The following SPDYE4 variants were observed in gnomAD, a reference collection of about 807,000 sequenced individuals.
SPDYE4 encodes the protein speedy protein E4.
A neutral mutation model predicts 37.5 loss-of-function variants in SPDYE4; 30 were observed. That is an observed-to-expected ratio of 0.80 (90% CI 0.60 to 1.09). The LOEUF (loss-of-function observed/expected upper bound fraction) is 1.09, where lower values mean the gene tolerates loss of function less well. Ranked by LOEUF, SPDYE4 falls within the 50% of genes least tolerant of loss-of-function variation. SPDYE4 has a pLI of 0.00. For missense variants in SPDYE4, 300 were observed against 307.9 expected, an observed-to-expected ratio of 0.97 and a Z score of 0.19; for synonymous variants, 131 against 120.3, an observed-to-expected ratio of 1.09 and a Z score of -0.58.
chr17:8,747,813 A>G (rs1212436566), downstream of SPDYE4, among the ~76,000 whole-genome samples: 1 of 152,162 alleles, frequency 6.6e-6, no homozygotes, highest in Non-Finnish European at 1.5e-5. Context: ...CAAAATTCAT[A>G]TGTTGAAACC....
intron 4 of SPDYE4, among the ~76,000 whole-genome samples, chr17:8,753,810 C>T (rs764711832): frequency 6.6e-6 from 1 of 151,972 alleles, no homozygotes; most frequent in Non-Finnish European, 1.5e-5. Context: ...TGGCAAGACC[C>T]CCTCTGAATT....
intron 4 of SPDYE4, among the ~76,000 whole-genome samples, 152 bp from the exon 5 acceptor site, chr17:8,753,641 C>T (rs61319764): frequency 6.6e-6 from 1 of 152,010 alleles, no homozygotes; most frequent in South Asian, 2.1e-4. Context: ...GGAGGCCCCG[C>T]TGGACAGAGA....
At chr17:8,757,641 CTGA>C in intron 1 of SPDYE4, 149 bp from the exon 2 acceptor site, 4 of 767,152 alleles carry the variant, frequency 5.2e-6, no homozygotes, top group Non-Finnish European at 8.2e-6. Flanking sequence ...TTCTCCTTTG[CTGA>C]TCCCCATCTG....
At position 8,751,670 on chromosome 17, in the gene SPDYE4, G is replaced by A. The variant is rs569326568; in HGVS notation, c.*612C>T. 6.6e-6 allele frequency among the ~76,000 whole-genome samples: 1 copy of A among 152,276 alleles called. No individual in the cohort carries two copies. The highest frequency in any genetic ancestry group is 1.9e-4 in the East Asian group (1 of 5,190). On this transcript the variant is annotated 3_prime_UTR_variant, in exon 7 of 7. Coordinates refer to ENST00000689094, the MANE Select transcript of SPDYE4 (RefSeq NM_001394956.1). Reference sequence around the variant, plus strand: ...AAAATGAAAACTAAATTATATTTATGTGTATATAACAACCGTCAGAGAACT... The same window carrying A: ...AAAATGAAAACTAAATTATATTTATATGTATATAACAACCGTCAGAGAACT...
At position 8,758,453 on chromosome 17, in the gene SPDYE4, C is replaced by G. The variant is rs1304031757; in HGVS notation, c.-71G>C. ...GTTCTGTCCAAAGCCTTCTTCCAGA[C>G]TCCGTTAGGACCCAGAAGAGTGCGT... On this transcript the variant is annotated 5_prime_UTR_variant, in exon 1 of 7. Coordinates refer to ENST00000689094, the MANE Select transcript of SPDYE4 (RefSeq NM_001394956.1). 2 of 1,386,348 alleles carry G rather than the reference C, an allele frequency of 1.4e-6. No individual in the cohort carries two copies. Among genetic ancestry groups the G allele is most frequent in the East Asian group, 2.5e-5 (1 of 40,108 alleles). 85.9% of individuals were successfully genotyped at this position (1,386,348 alleles called of 1,614,324 possible).
At chr17:8,752,632 C>G (rs1027506424) in intron 6 of SPDYE4, among the ~76,000 whole-genome samples, 1 of 152,112 alleles carries the variant, frequency 6.6e-6, no homozygotes, top group Admixed American at 6.5e-5. Flanking sequence ...CCTCAGGAAC[C>G]AGCAGACCAG....
downstream of SPDYE4, among the ~76,000 whole-genome samples, chr17:8,749,514 C>T (rs891922130): frequency 7.9e-5 from 12 of 152,122 alleles, no homozygotes; most frequent in Non-Finnish European, 7.3e-5. Context: ...GATCTGCCCA[C>T]CTCGGCCTCC....
chr17:8,755,367 AGACT>A, intron 4 of SPDYE4, 149 bp downstream of exon 4: 1 of 965,664 alleles, frequency 1.0e-6, no homozygotes, highest in Non-Finnish European at 1.5e-6. Context: ...TAGAAAGAAC[AGACT>A]AAGAACACCA....
At position 8,757,511 on chromosome 17, in the gene SPDYE4, C is replaced by A. The variant is rs763246084; in HGVS notation, c.110-19G>T. 9 of 1,605,752 alleles carry A rather than the reference C, an allele frequency of 5.6e-6. No homozygotes were observed. The highest frequency in any genetic ancestry group is 1.7e-5 in the Admixed American group (1 of 58,882). Reference sequence around the variant, plus strand: ...CAAGGGGCTGAGTGAAGAAACCAGGCCATGGTGTCATGTTTCTGCCATTGA... The same window carrying A: ...CAAGGGGCTGAGTGAAGAAACCAGGACATGGTGTCATGTTTCTGCCATTGA... On this transcript the variant is annotated intron_variant, in intron 1 of 6. Coordinates refer to ENST00000689094, the MANE Select transcript of SPDYE4 (RefSeq NM_001394956.1).
rs982949681 is a variant in SPDYE4, at chr17:8,751,468, C to T, written c.*814G>A. On this transcript the variant is annotated 3_prime_UTR_variant, in exon 7 of 7. Transcript: ENST00000689094. ...TCACAATTCAGTAACAAACAGTAAA[C>T]AGAAAATAAACATTTCTATTTGCAA... is the stretch of plus-strand genomic sequence containing the variant. 8.5e-5 allele frequency among the ~76,000 whole-genome samples: 13 copies of T among 152,086 alleles called. No homozygotes were observed. The highest frequency in any genetic ancestry group is 5.9e-4 in the Admixed American group (9 of 15,270).
chr17:8,752,501 T>C (rs946908180), intron 6 of SPDYE4, among the ~76,000 whole-genome samples: 1 of 152,172 alleles, frequency 6.6e-6, no homozygotes, highest in Non-Finnish European at 1.5e-5. Flanking sequence ...TTTGGGTGGC[T>C]CCACCCAGGG....
At chr17:8,756,306 G>T in intron 3 of SPDYE4, 72 bp downstream of exon 3, 1 of 1,437,412 alleles carries the variant, frequency 7.0e-7, no homozygotes, top group Non-Finnish European at 9.7e-7. Flanking sequence ...AGAAACTGTG[G>T]GTTTAGACGC....
chr17:8,757,470 G>T lies in SPDYE4; in HGVS notation c.132C>A (p.Pro44=). 1 of 1,607,926 alleles carries T rather than the reference G, an allele frequency of 6.2e-7. No individual in the cohort carries two copies. The highest frequency in any genetic ancestry group is 1.1e-5 in the South Asian group (1 of 89,866). Residue 44 remains proline (P), a synonymous_variant, in exon 2 of 7, where the codon CCC becomes CCA. Transcript: ENST00000689094. ...GPSAPWIDPS[P]QPQSLGLKRK... ...TTTTCAGGCCAAGGGATTGAGGCTG[G>T]GGGCTGGGATCTATCCAAGGGGCTG...
chr17:8,756,099 G>C (rs568528182), intron 3 of SPDYE4, among the ~76,000 whole-genome samples: 1 of 152,262 alleles, frequency 6.6e-6, no homozygotes, highest in East Asian at 1.9e-4. Context: ...CACGCCTGGA[G>C]TCCCAGCTAT....
Position 8,757,472 on chromosome 17 carries a change from G to A in SPDYE4, c.130C>T (p.Pro44Ser), listed in dbSNP as rs772023283. 3.7e-6 allele frequency: 6 copies of A among 1,608,262 alleles called. No individual in the cohort carries two copies. The highest frequency in any genetic ancestry group is 4.2e-6 in the Non-Finnish European group (5 of 1,177,238). The change falls in exon 2 of 7, where the codon CCC (proline) becomes TCC (serine). Residue 44 changes from proline to serine, a missense_variant. By Grantham distance (74) the Pro-to-Ser change is moderately conservative. Coordinates refer to ENST00000689094, the MANE Select transcript of SPDYE4 (RefSeq NM_001394956.1). ...TTCAGGCCAAGGGATTGAGGCTGGG[G>A]GCTGGGATCTATCCAAGGGGCTGAG... ...GPSAPWIDPS[P>S]QPQSLGLKRK...
intron 2 of SPDYE4, among the ~76,000 whole-genome samples, chr17:8,757,013 T>C (rs2086778036): frequency 6.6e-6 from 1 of 152,148 alleles, no homozygotes; most frequent in African/African-American, 2.4e-5. Flanking sequence ...TCCTCCCGCC[T>C]CAGCCTCCCA....
chr17:8,747,629 T>G (rs1345100879), downstream of SPDYE4, among the ~76,000 whole-genome samples: 1 of 152,170 alleles, frequency 6.6e-6, no homozygotes, highest in Non-Finnish European at 1.5e-5. Flanking sequence ...ACTTTTTTGG[T>G]TTTTTTGCCA....
chr17:8,750,261 C>T (rs190450966), downstream of SPDYE4, among the ~76,000 whole-genome samples: 10 of 152,190 alleles, frequency 6.6e-5, no homozygotes, highest in Admixed American at 3.3e-4. Context: ...TGGTGGCAGG[C>T]GCCTTTAATC....
Position 8,751,034 on chromosome 17 carries a change from A to G in SPDYE4, c.*1248T>C, listed in dbSNP as rs1421016559. 5.9e-5 allele frequency among the ~76,000 whole-genome samples: 9 copies of G among 152,150 alleles called. No individual in the cohort carries two copies. Among genetic ancestry groups the G allele is most frequent in the Admixed American group, 5.9e-4 (9 of 15,272 alleles). The stretch of plus-strand genomic sequence containing the variant: ...TCTCACAGTTCAATAACAAACAAAC[A>G]CTCAACATCAAATAAAAATTTATTT... On this transcript the variant is annotated 3_prime_UTR_variant, in exon 7 of 7. Coordinates refer to ENST00000689094, the MANE Select transcript of SPDYE4 (RefSeq NM_001394956.1).
Sources: allele counts gnomAD v4.1 joint callset (sites outside exome capture counted in the v4.1 genomes callset), GRCh38; gene constraint gnomAD v4.1.1; transcripts MANE v1.5; gene names NCBI Gene and HGNC (gene_info 2026-07-23, HGNC 2026-07-21).